XRCC4: variants seen among roughly 807,000 people sequenced by gnomAD.
XRCC4 encodes the protein X-ray repair cross complementing 4.
Under a neutral mutation model 39.1 loss-of-function variants are expected in XRCC4, and 28 were observed. That is an observed-to-expected ratio of 0.72 (90% CI 0.53 to 0.98). The LOEUF is 0.98. XRCC4 is among the 50% of genes least tolerant of loss of function. The pLI is 0.00. For missense variants in XRCC4, 350 were observed against 376.4 expected, an observed-to-expected ratio of 0.93 and a Z score of 0.58; for synonymous variants, 123 against 126.4, an observed-to-expected ratio of 0.97 and a Z score of 0.18.
chr5:83,358,481 T>C (rs891324727), downstream of XRCC4, among the ~76,000 whole-genome samples: 4 of 152,142 alleles, frequency 2.6e-5, no homozygotes, highest in African/African-American at 4.8e-5. Context: ...TTTAAAACTC[T>C]CATTTCACAA....
Position 83,291,158 on chromosome 5 carries a change from G to A in XRCC4, c.893+32481G>A, listed in dbSNP as rs533236665. On this transcript the variant is annotated intron_variant, in intron 7 of 7. Transcript: ENST00000396027. ...ACAAAAGAAACAAACAAAAATCATC[G>A]GAGGCACCCCAGTGAACTGGAAAAC... Among the ~76,000 whole-genome samples the A allele has an allele frequency of 5.9e-5, 9 of 151,656 alleles. No homozygotes were observed. In the South Asian group the frequency reaches 8.3e-4, roughly 14 times the overall value.
chr5:83,255,748 G>C (rs1753513385), intron 6 of XRCC4, among the ~76,000 whole-genome samples: 1 of 152,020 alleles, frequency 6.6e-6, no homozygotes. Context: ...GGTCCTTTTA[G>C]GTGTCCCAGT....
intron 6 of XRCC4, among the ~76,000 whole-genome samples, chr5:83,218,062 T>TA (rs1554065873): frequency 0.04 from 5,965 of 147,592 alleles, 359 homozygotes; most frequent in African/African-American, 0.13. Context: ...TTTACCTTTT[T>TA]TATATATATA....
chr5:83,330,665 C>G (rs1248089747), intron 7 of XRCC4, among the ~76,000 whole-genome samples: 1 of 151,840 alleles, frequency 6.6e-6, no homozygotes. Flanking sequence ...GGTAGCTTTG[C>G]AGGAGTTTAA....
At chr5:83,335,376 T>C (rs888586658) in intron 7 of XRCC4, among the ~76,000 whole-genome samples, 1 of 151,868 alleles carries the variant, frequency 6.6e-6, no homozygotes, top group Admixed American at 6.6e-5. Flanking sequence ...TTACAAGTTA[T>C]GGGAAATTGT....
intron 7 of XRCC4, among the ~76,000 whole-genome samples, chr5:83,292,179 A>T (rs1337657910): frequency 6.6e-6 from 1 of 151,770 alleles, no homozygotes; most frequent in African/African-American, 2.4e-5. Flanking sequence ...TTCCCTTGTC[A>T]TATGCTTTTG....
intron 7 of XRCC4, among the ~76,000 whole-genome samples, chr5:83,336,910 T>C (rs16900330): frequency 0.02 from 3,098 of 152,214 alleles, 109 homozygotes; most frequent in African/African-American, 0.07. Flanking sequence ...TACTTGAAAA[T>C]AAACAATTGA....
chr5:83,278,482 C>T (rs1754413285), intron 7 of XRCC4, among the ~76,000 whole-genome samples: 2 of 152,088 alleles, frequency 1.3e-5, no homozygotes, highest in South Asian at 4.1e-4. Context: ...AGTCCAAGAT[C>T]AAGGTTCTGG....
chr5:83,085,952 A>G (rs1462182658), intron 1 of XRCC4, among the ~76,000 whole-genome samples: 1 of 152,214 alleles, frequency 6.6e-6, no homozygotes, highest in Non-Finnish European at 1.5e-5. Flanking sequence ...TTTTATATCA[A>G]GTCATTAGAA....
downstream of XRCC4, among the ~76,000 whole-genome samples, chr5:83,358,532 C>T (rs1321557290): frequency 6.6e-6 from 1 of 152,084 alleles, no homozygotes; most frequent in Admixed American, 6.6e-5. Context: ...AGTCTCAATG[C>T]CCCTAAAGGC....
At chr5:83,092,574 A>G (rs1316335674) in intron 1 of XRCC4, among the ~76,000 whole-genome samples, 144 of 152,198 alleles carry the variant, frequency 9.5e-4, no homozygotes, top group Non-Finnish European at 2.4e-4. Flanking sequence ...ATTAATTGCA[A>G]CCACAGCTAC....
At chr5:83,293,153 G>C (rs1477907808) in intron 7 of XRCC4, among the ~76,000 whole-genome samples, 1 of 151,916 alleles carries the variant, frequency 6.6e-6, no homozygotes, top group South Asian at 2.1e-4. Flanking sequence ...CAGAGACTGT[G>C]TCTCTAGCTG....
intron 3 of XRCC4, among the ~76,000 whole-genome samples, chr5:83,147,503 T>C (rs754919067): frequency 2.0e-5 from 3 of 152,032 alleles, no homozygotes; most frequent in Non-Finnish European, 2.9e-5. Context: ...TCTAAAAAAG[T>C]TGAACTCATG....
intron 3 of XRCC4, among the ~76,000 whole-genome samples, chr5:83,139,546 A>G (rs982028428): frequency 7.2e-5 from 11 of 152,208 alleles, no homozygotes; most frequent in African/African-American, 2.7e-4. Flanking sequence ...GAGTTAGCAA[A>G]TACAGTCACA....
intron 7 of XRCC4, among the ~76,000 whole-genome samples, chr5:83,299,551 T>C (rs1160475026): frequency 1.3e-5 from 2 of 152,154 alleles, no homozygotes; most frequent in Non-Finnish European, 2.9e-5. Context: ...CTTCTCACTC[T>C]GTTTTCCATG....
chr5:83,240,288 G>C (rs775612549), intron 6 of XRCC4, among the ~76,000 whole-genome samples: 4 of 152,202 alleles, frequency 2.6e-5, no homozygotes, highest in Non-Finnish European at 5.9e-5. Flanking sequence ...GAGCTGGATA[G>C]AAAGCCTCAG....
intron 3 of XRCC4, among the ~76,000 whole-genome samples, chr5:83,131,795 C>T (rs186283885): frequency 6.6e-6 from 1 of 152,144 alleles, no homozygotes; most frequent in East Asian, 1.9e-4. Flanking sequence ...AGATGGGTCT[C>T]CTGAATACAG....
At chr5:83,248,549 C>T (rs867522524) in intron 6 of XRCC4, among the ~76,000 whole-genome samples, 19 of 152,160 alleles carry the variant, frequency 1.2e-4, no homozygotes, top group South Asian at 4.1e-4. Flanking sequence ...GTTTTGTGGA[C>T]GGTAACATTA....
intron 7 of XRCC4, among the ~76,000 whole-genome samples, chr5:83,283,408 C>CA (rs1282053567): frequency 8.5e-5 from 13 of 152,252 alleles, no homozygotes; most frequent in African/African-American, 2.9e-4. Flanking sequence ...CTAGTTGGAG[C>CA]ATTCATCATT....
Sources: allele counts gnomAD v4.1 joint callset (sites outside exome capture counted in the v4.1 genomes callset), GRCh38; gene constraint gnomAD v4.1.1; transcripts MANE v1.5; gene names NCBI Gene and HGNC (gene_info 2026-07-23, HGNC 2026-07-21).